The following FGF14 variants were observed in gnomAD, a reference collection of about 807,000 sequenced individuals.
FGF14 encodes fibroblast growth factor 14.
Under a neutral mutation model 25.5 loss-of-function variants are expected in FGF14, and 5 were observed. The observed-to-expected ratio is 0.20, with a 90% CI of 0.10 to 0.41. The LOEUF (loss-of-function observed/expected upper bound fraction) is 0.41. Among genes scored for constraint, FGF14 ranks in the 10% least tolerant of loss-of-function variants. The pLI is 1.00. For missense variants in FGF14, 222 were observed against 320.1 expected (o/e 0.69, Z 2.34); for synonymous variants, 138 against 118.3 (o/e 1.17, Z -1.08).
At chr13:101,788,939 G>GAC (rs1566903857) in intron 3 of FGF14, among the ~76,000 whole-genome samples, 55 of 58,472 alleles carry the variant, frequency 9.4e-4, no homozygotes, top group African/African-American at 3.0e-3. Flanking sequence ...GAGAGAGAGA[G>GAC]AGAGAGAGAC....
At chr13:102,354,978 C>G (rs773041753) in intron 1 of FGF14, among the ~76,000 whole-genome samples, 5 of 152,108 alleles carry the variant, frequency 3.3e-5, no homozygotes, top group African/African-American at 1.2e-4. Context: ...CTTCTTTGTG[C>G]GATCAAGACC....
At chr13:101,870,266 G>A (rs1292951102) in intron 2 of FGF14, among the ~76,000 whole-genome samples, 1 of 151,784 alleles carries the variant, frequency 6.6e-6, no homozygotes, top group Non-Finnish European at 1.5e-5. Flanking sequence ...TTCTTGGTGG[G>A]AGATGGCTAT....
chr13:101,906,211 C>A (rs914991527), intron 1 of FGF14, among the ~76,000 whole-genome samples: 1 of 152,264 alleles, frequency 6.6e-6, no homozygotes, highest in East Asian at 1.9e-4. Flanking sequence ...GCATGAAATT[C>A]TCTTCATGAA....
Position 101,858,229 on chromosome 13 carries a change from TA to T in FGF14, c.408+10495del, listed in dbSNP as rs35915119. On this transcript the variant is annotated intron_variant, in intron 3 of 4. Coordinates refer to ENST00000376143, the MANE Select transcript of FGF14 (RefSeq NM_004115.4). Reference sequence around the variant, plus strand: ...GAAGTAGGAAGAAGAATAATTATCTTAAAAAAAAAAAAAAGGAAAATAACTC... The same window carrying T: ...GAAGTAGGAAGAAGAATAATTATCTTAAAAAAAAAAAAAGGAAAATAACTC... Among the ~76,000 whole-genome samples, 420 of 141,148 alleles carry T rather than the reference TA, an allele frequency of 3.0e-3. 1 individual carries two copies. The highest frequency in any genetic ancestry group is 8.5e-3 in the African/African-American group (326 of 38,414). The allele number at this position is 141,148 out of a possible 152,430, so 92.6% of individuals were successfully genotyped here.
At chr13:102,336,433 A>G (rs2056789280) in intron 1 of FGF14, among the ~76,000 whole-genome samples, 1 of 152,182 alleles carries the variant, frequency 6.6e-6, no homozygotes, top group Non-Finnish European at 1.5e-5. Flanking sequence ...AAGAAGCCAC[A>G]GAATTAAAAA....
At position 101,714,942 on chromosome 13, in the gene FGF14, G is replaced by A. The variant is rs942056054; in HGVS notation, c.*7889C>T. On this transcript the variant is annotated 3_prime_UTR_variant, in exon 5 of 5. Transcript: ENST00000376143. ...CTGGGTACCACTAGTTGATGTGTTG[G>A]TTGCTTTTAGGGAACTGGATGTGTG... is the stretch of plus-strand genomic sequence containing the variant. 2.0e-5 allele frequency: 4 copies of A among 196,032 alleles called. No individual in the cohort carries two copies. In the Admixed American group the frequency reaches 2.2e-4, roughly 11 times the overall value. The allele number at this position is 196,032 out of a possible 1,614,324, so 12.1% of individuals were successfully genotyped here.
At chr13:101,874,033 C>T (rs560804340) in intron 2 of FGF14, among the ~76,000 whole-genome samples, 4 of 151,488 alleles carry the variant, frequency 2.6e-5, no homozygotes, top group Non-Finnish European at 4.4e-5. Flanking sequence ...TGAAGCAATG[C>T]ACAAAATACA....
chr13:102,369,360 C>A (rs1311521525), intron 1 of FGF14, among the ~76,000 whole-genome samples: 2 of 152,176 alleles, frequency 1.3e-5, no homozygotes, highest in Non-Finnish European at 2.9e-5. Context: ...ATTCTGCTTT[C>A]CTCTGTGGTA....
intron 1 of FGF14, among the ~76,000 whole-genome samples, chr13:102,094,943 A>G (rs1335416995): frequency 1.3e-5 from 2 of 152,132 alleles, no homozygotes; most frequent in East Asian, 3.9e-4. Flanking sequence ...GGGGGTCCTA[A>G]GGATTTTTCA....
chr13:101,830,797 ACTT>A (rs1339298128), intron 3 of FGF14, among the ~76,000 whole-genome samples: 9 of 152,068 alleles, frequency 5.9e-5, no homozygotes, highest in African/African-American at 1.9e-4. Flanking sequence ...GTGTTGGCAG[ACTT>A]ATGTTCCATT....
intron 1 of FGF14, among the ~76,000 whole-genome samples, chr13:102,011,690 G>C (rs2040086646): frequency 6.6e-6 from 1 of 152,204 alleles, no homozygotes; most frequent in African/African-American, 2.4e-5. Flanking sequence ...TACAGGGAGT[G>C]GCAGTCTTTA....
chr13:101,880,962 C>G (rs1019090917), intron 1 of FGF14, among the ~76,000 whole-genome samples: 1 of 152,020 alleles, frequency 6.6e-6, no homozygotes, highest in African/African-American at 2.4e-5. Context: ...GGTTTTGAAA[C>G]GGAAACACAA....
At chr13:101,994,281 TAA>T (rs903413732) in intron 1 of FGF14, among the ~76,000 whole-genome samples, 2 of 151,986 alleles carry the variant, frequency 1.3e-5, no homozygotes, top group African/African-American at 2.4e-5. Context: ...ATGATAAAAT[TAA>T]AAGTTAGAAA....
chr13:102,097,224 A>G (rs16959698), intron 1 of FGF14, among the ~76,000 whole-genome samples: 5,331 of 152,238 alleles, frequency 0.035, 118 homozygotes, highest in African/African-American at 0.049. Context: ...GTTGCTTTCA[A>G]AATATATTCA....
chr13:102,121,111 T>G (rs1261166748), intron 1 of FGF14, among the ~76,000 whole-genome samples: 1 of 152,172 alleles, frequency 6.6e-6, no homozygotes, highest in East Asian at 1.9e-4. Context: ...TTAGTCCCTA[T>G]TTTTCCACAA....
chr13:101,926,531 G>A (rs1392416841), intron 1 of FGF14, among the ~76,000 whole-genome samples: 1 of 152,136 alleles, frequency 6.6e-6, no homozygotes, highest in South Asian at 2.1e-4. Context: ...CAGTGATTGT[G>A]GAGACAGGAC....
At chr13:102,102,524 AG>A (rs2044709302) in intron 1 of FGF14, among the ~76,000 whole-genome samples, 1 of 152,178 alleles carries the variant, frequency 6.6e-6, no homozygotes. Flanking sequence ...ATCAGGGAAA[AG>A]CTTGAGGGGC....
rs1202712665 is a variant in FGF14, at chr13:101,712,447, AG to A, written c.*10383del. On this transcript the variant is annotated 3_prime_UTR_variant, in exon 5 of 5. Transcript: ENST00000376143. ...CATGAAGCTAAGCATTCCAGAAGCA[AG>A]AGCAGTGATTAGAATAGTTCCAGGG... The A allele has an allele frequency of 6.6e-6, 1 of 152,226 alleles. No individual in the cohort carries two copies. The highest frequency in any genetic ancestry group is 2.4e-5 in the African/African-American group (1 of 41,464). The allele number at this position is 152,226 out of a possible 1,614,324, so 9.4% of individuals were successfully genotyped here. A position where few individuals can be genotyped will look rare whatever the true frequency, so the allele number is the denominator to read the frequency against.
chr13:101,811,038 C>A (rs368684560), intron 3 of FGF14, among the ~76,000 whole-genome samples: 2 of 134,982 alleles, frequency 1.5e-5, no homozygotes, highest in African/African-American at 5.3e-5. Context: ...ATCCGCCCCC[C>A]CCGGCCCCCG....
Sources: allele counts gnomAD v4.1 joint callset (sites outside exome capture counted in the v4.1 genomes callset), GRCh38; gene constraint gnomAD v4.1.1; transcripts MANE v1.5; gene names NCBI Gene and HGNC (gene_info 2026-07-23, HGNC 2026-07-21).